WWOX: variants seen among roughly 807,000 people sequenced by gnomAD.
The protein encoded by WWOX is WW domain-containing oxidoreductase.
WWOX carries 69 observed loss-of-function variants against 46.2 expected under a neutral mutation model. That is an observed-to-expected ratio of 1.49 (90% CI 1.23 to 1.82). The LOEUF (loss-of-function observed/expected upper bound fraction) is 1.82, where lower values mean the gene tolerates loss of function less well. Among genes scored for constraint, WWOX ranks in the 40% most tolerant of loss-of-function variants. WWOX has a pLI of 0.00. For missense variants in WWOX, 919 were observed against 542.6 expected, an observed-to-expected ratio of 1.69 and a Z score of -6.89; for synonymous variants, 359 against 202.6, an observed-to-expected ratio of 1.77 and a Z score of -6.56.
At chr16:79,096,173 C>T (rs566228671) in intron 8 of WWOX, among the ~76,000 whole-genome samples, 1 of 151,986 alleles carries the variant, frequency 6.6e-6, no homozygotes, top group South Asian at 2.1e-4. Flanking sequence ...TGACCACAGT[C>T]CTTTCTTTTA....
chr16:78,737,293 T>A (rs1456005391), intron 8 of WWOX, among the ~76,000 whole-genome samples: 3 of 149,332 alleles, frequency 2.0e-5, no homozygotes, highest in Non-Finnish European at 3.0e-5. Flanking sequence ...TGTATATATA[T>A]GTATATAATA....
intron 5 of WWOX, among the ~76,000 whole-genome samples, chr16:78,311,064 T>C (rs963450429): frequency 1.2e-4 from 18 of 152,154 alleles, no homozygotes; most frequent in African/African-American, 3.6e-4. Context: ...GTGAATAGTC[T>C]CCCAGAAGCT....
chr16:79,196,720 T>A (rs1369396351), intron 8 of WWOX, among the ~76,000 whole-genome samples: 1 of 147,510 alleles, frequency 6.8e-6, no homozygotes, highest in Non-Finnish European at 1.5e-5. Flanking sequence ...AATGAGAGAC[T>A]TTTTTTTTTA....
intron 5 of WWOX, among the ~76,000 whole-genome samples, chr16:78,193,600 T>C (rs2035951141): frequency 6.6e-6 from 1 of 152,240 alleles, no homozygotes; most frequent in Admixed American, 6.5e-5. Context: ...ATCATTGAAA[T>C]ATCATTAGAA....
At chr16:78,500,190 G>C (rs1303885737) in intron 8 of WWOX, among the ~76,000 whole-genome samples, 1 of 152,164 alleles carries the variant, frequency 6.6e-6, no homozygotes, top group African/African-American at 2.4e-5. Flanking sequence ...TACGGTCAAT[G>C]CAGTACTAAT....
chr16:78,453,473 G>T (rs113539989), intron 8 of WWOX, among the ~76,000 whole-genome samples: 1 of 151,796 alleles, frequency 6.6e-6, no homozygotes, highest in Non-Finnish European at 1.5e-5. Flanking sequence ...GGTTTATAAA[G>T]ACAACATGAG....
At chr16:78,746,658 C>T (rs756936268) in intron 8 of WWOX, among the ~76,000 whole-genome samples, 12 of 151,946 alleles carry the variant, frequency 7.9e-5, no homozygotes, top group Middle Eastern at 3.4e-3. Context: ...GATGTGCTTG[C>T]ATGATTGGCT....
Position 79,036,222 on chromosome 16 carries a change from T to C in WWOX, c.1057-175386T>C. The stretch of plus-strand genomic sequence containing the variant: ...TCTCAAACAGTATACCCACTACAGC[T>C]TTCTCCCCACTCTGTCAACCATGCC... On this transcript the variant is annotated intron_variant, in intron 8 of 8. Coordinates refer to ENST00000566780, the MANE Select transcript of WWOX (RefSeq NM_016373.4). 1.3e-5 allele frequency among the ~76,000 whole-genome samples: 2 copies of C among 152,190 alleles called. 1 individual carries two copies. The highest frequency in any genetic ancestry group is 2.9e-5 in the Non-Finnish European group (2 of 68,044).
chr16:79,011,023 C>A (rs1189595171), intron 8 of WWOX, among the ~76,000 whole-genome samples: 6 of 152,002 alleles, frequency 3.9e-5, no homozygotes, highest in African/African-American at 1.5e-4. Flanking sequence ...TGATTTCTAA[C>A]ATCTCACCAT....
intron 8 of WWOX, among the ~76,000 whole-genome samples, chr16:78,699,673 A>G (rs1180579538): frequency 2.0e-5 from 3 of 152,218 alleles, no homozygotes; most frequent in Non-Finnish European, 2.9e-5. Context: ...AGAGTCAGCT[A>G]TTCCCTCTTC....
intron 8 of WWOX, among the ~76,000 whole-genome samples, chr16:79,157,239 A>G (rs1292425901): frequency 2.0e-5 from 3 of 152,200 alleles, no homozygotes; most frequent in South Asian, 2.1e-4. Context: ...AGAGCATTCA[A>G]GAGTCTGTCA....
intron 8 of WWOX, among the ~76,000 whole-genome samples, chr16:78,726,393 T>G (rs1208559274): frequency 1.3e-5 from 2 of 151,900 alleles, no homozygotes; most frequent in Non-Finnish European, 2.9e-5. Flanking sequence ...ACGTGGCGTA[T>G]TTTTAAATTA....
At chr16:78,200,027 C>G (rs1567422491) in intron 5 of WWOX, among the ~76,000 whole-genome samples, 1 of 152,188 alleles carries the variant, frequency 6.6e-6, no homozygotes, top group Admixed American at 6.5e-5. Context: ...AATGTGCAAC[C>G]TAATTTTCTT....
chr16:78,753,825 A>AATATATATATATATATATAT (rs1159243014), intron 8 of WWOX, among the ~76,000 whole-genome samples: 1 of 21,356 alleles, frequency 4.7e-5, no homozygotes, highest in African/African-American at 9.8e-5. Context: ...AAAAAAAAAA[A>AATATATATATATATATATAT]ATATATATAT....
intron 8 of WWOX, among the ~76,000 whole-genome samples, chr16:78,965,586 C>T (rs1317816378): frequency 1.3e-5 from 2 of 151,176 alleles, no homozygotes; most frequent in African/African-American, 2.4e-5. Context: ...AAAAAAAATG[C>T]CCGCCTTATT....
chr16:78,143,391 A>G (rs1324050686), intron 4 of WWOX, among the ~76,000 whole-genome samples: 1 of 152,192 alleles, frequency 6.6e-6, no homozygotes, highest in East Asian at 1.9e-4. Context: ...ACCGAATGTT[A>G]AAAGGATATT....
intron 6 of WWOX, among the ~76,000 whole-genome samples, chr16:78,423,796 T>C (rs971744506): frequency 6.7e-6 from 1 of 150,040 alleles, no homozygotes; most frequent in African/African-American, 2.5e-5. Context: ...CAGTGAGTTA[T>C]GACCACACCA....
intron 5 of WWOX, among the ~76,000 whole-genome samples, chr16:78,385,823 G>A (rs142695846): frequency 1.1e-4 from 16 of 152,296 alleles, no homozygotes; most frequent in South Asian, 2.1e-4. Flanking sequence ...GAATAGGCAG[G>A]TGGCCCTGTG....
intron 8 of WWOX, among the ~76,000 whole-genome samples, chr16:78,887,922 A>T (rs946708645): frequency 5.9e-5 from 9 of 152,150 alleles, no homozygotes; most frequent in African/African-American, 2.2e-4. Context: ...TGAGGGGATG[A>T]ATTTTTCATT....
Sources: allele counts gnomAD v4.1 joint callset (sites outside exome capture counted in the v4.1 genomes callset), GRCh38; gene constraint gnomAD v4.1.1; transcripts MANE v1.5; gene names NCBI Gene and HGNC (gene_info 2026-07-23, HGNC 2026-07-21).